Variants in KLF17 observed in about 807,000 individuals in gnomAD.
KLF17 encodes Krueppel-like factor 17.
Under a neutral mutation model 34.2 loss-of-function variants are expected in KLF17, and 31 were observed. That is an observed-to-expected ratio of 0.91 (90% CI 0.68 to 1.22). The LOEUF is 1.22. KLF17 is among the 50% of genes most tolerant of loss of function. The probability of loss-of-function intolerance (pLI) is 0.00; values close to 1 mark genes in which losing one functional copy is unlikely to be tolerated. For missense variants in KLF17, 478 were observed against 505.2 expected, an observed-to-expected ratio of 0.95 and a Z score of 0.52; for synonymous variants, 179 against 186.7, an observed-to-expected ratio of 0.96 and a Z score of 0.34.
the KLF17 span, among the ~76,000 whole-genome samples, chr1:44,050,289 T>C: frequency 6.6e-6 from 1 of 152,188 alleles, no homozygotes; most frequent in South Asian, 2.1e-4. Context: ...AGGCAGGACT[T>C]GGACTCCGGA....
intron 1 of KLF17, among the ~76,000 whole-genome samples, chr1:44,124,118 A>G (rs950754323): frequency 6.6e-5 from 10 of 152,234 alleles, no homozygotes; most frequent in African/African-American, 2.2e-4. Context: ...GGATCTAAAT[A>G]TATATACAGC....
upstream of KLF17, among the ~76,000 whole-genome samples, chr1:44,117,898 C>T (rs74421804): frequency 3.9e-3 from 591 of 152,264 alleles, 3 homozygotes; most frequent in African/African-American, 0.014. Flanking sequence ...CAGATCACAT[C>T]AAATTCCTGT....
the KLF17 span, among the ~76,000 whole-genome samples, chr1:44,082,768 C>T: frequency 6.6e-6 from 1 of 151,920 alleles, no homozygotes; most frequent in Non-Finnish European, 1.5e-5. Flanking sequence ...TCCTTATTAC[C>T]TTGGTAAGGC....
At chr1:44,125,316 T>C (rs899679216) in intron 1 of KLF17, among the ~76,000 whole-genome samples, 1 of 152,222 alleles carries the variant, frequency 6.6e-6, no homozygotes. Context: ...GGATGGTTAA[T>C]AGTTATTTTT....
At chr1:44,059,190 C>G in the KLF17 span, among the ~76,000 whole-genome samples, 3 of 152,178 alleles carry the variant, frequency 2.0e-5, no homozygotes, top group Non-Finnish European at 4.4e-5. Context: ...TTAAAAGAAT[C>G]AACACTCAGC....
the KLF17 span, among the ~76,000 whole-genome samples, chr1:44,085,807 C>CAA: frequency 0.09 from 5,749 of 63,712 alleles, 599 homozygotes; most frequent in South Asian, 0.14. Context: ...TCTGTCTCAA[C>CAA]AAAAAAAAAA....
At chr1:44,100,280 G>GGA in the KLF17 span, among the ~76,000 whole-genome samples, 1 of 147,496 alleles carries the variant, frequency 6.8e-6, no homozygotes, top group Non-Finnish European at 1.5e-5. Context: ...AAAAGAGAGA[G>GGA]AGAGAAAGAA....
chr1:44,078,639 T>G, the KLF17 span, among the ~76,000 whole-genome samples: 1 of 152,124 alleles, frequency 6.6e-6, no homozygotes, highest in Non-Finnish European at 1.5e-5. Flanking sequence ...GGTTTCACCG[T>G]GTTAGCCAGG....
At chr1:44,103,935 A>G in the KLF17 span, 14 of 850,986 alleles carry the variant, frequency 1.6e-5, no homozygotes, top group Middle Eastern at 5.3e-4. Context: ...GATCTGGTAC[A>G]TGCTCTCAGC....
chr1:44,087,724 TTATATATATATATATATA>T, the KLF17 span, among the ~76,000 whole-genome samples: 2,655 of 75,432 alleles, frequency 0.035, 49 homozygotes, highest in Admixed American at 0.06. Context: ...CCTATATATT[TTATATATATATATATATA>T]TATATATATA....
Position 44,130,609 on chromosome 1 carries a change from A to G in KLF17, c.1023A>G (p.Arg341=), listed in dbSNP as rs536036330. The change falls in exon 3 of 4, where the codon CGA becomes CGG. Residue 341 remains arginine, a synonymous_variant. Coordinates refer to ENST00000372299, the MANE Select transcript of KLF17 (RefSeq NM_173484.4). ...ATATGCGGGTACACACCAGATATCG[A>G]CCATATAAATGTGATCAGTGCAGCC... ...RRHMRVHTRY[R]PYKCDQCSRE... The G allele has an allele frequency of 1.2e-6, 2 of 1,614,100 alleles. No homozygotes were observed. Among genetic ancestry groups the G allele is most frequent in the East Asian group, 2.2e-5 (1 of 44,862 alleles).
chr1:44,099,893 GAAAGAAAGAAAGAA>G, the KLF17 span, among the ~76,000 whole-genome samples: 1 of 62,424 alleles, frequency 1.6e-5, no homozygotes, highest in African/African-American at 5.3e-5. Flanking sequence ...AAGAAAGAAA[GAAAGAAAGAAAGAA>G]AGAAAGAAAG....
chr1:44,132,202 A>G lies in KLF17; in HGVS notation c.*1-1036A>G, dbSNP rs1394724921. 3.9e-5 allele frequency among the ~76,000 whole-genome samples: 6 copies of G among 152,112 alleles called. No homozygotes were observed. The East Asian group carries it at 1.2e-3, about 30-fold the overall frequency. On this transcript the variant is annotated intron_variant, in intron 3 of 3. Coordinates refer to ENST00000372299, the MANE Select transcript of KLF17 (RefSeq NM_173484.4). Reference sequence around the variant, plus strand: ...GCGCCTGTAGTCCCAGTTATTCGAGAGGCTGAGGCAGGAGAATGGCTTGAA... The same window carrying G: ...GCGCCTGTAGTCCCAGTTATTCGAGGGGCTGAGGCAGGAGAATGGCTTGAA...
chr1:44,106,196 T>C, the KLF17 span, among the ~76,000 whole-genome samples: 1 of 152,080 alleles, frequency 6.6e-6, no homozygotes, highest in African/African-American at 2.4e-5. Flanking sequence ...TCTGAGCTCA[T>C]AGGTCCCAGG....
At chr1:44,065,891 G>A in the KLF17 span, among the ~76,000 whole-genome samples, 2 of 152,032 alleles carry the variant, frequency 1.3e-5, no homozygotes, top group South Asian at 4.1e-4. Context: ...AGAAAAATTA[G>A]CAAATTTCCT....
At chr1:44,099,841 G>GAAAGAAAGAAAGAAAGAAAA in the KLF17 span, among the ~76,000 whole-genome samples, 14 of 28,734 alleles carry the variant, frequency 4.9e-4, no homozygotes, top group African/African-American at 3.1e-3. Context: ...AAGAAAGAAA[G>GAAAGAAAGAAAGAAAGAAAA]AAAGAAAGAA....
At chr1:44,098,914 G>A in the KLF17 span, among the ~76,000 whole-genome samples, 1 of 138,146 alleles carries the variant, frequency 7.2e-6, no homozygotes, top group South Asian at 2.3e-4. Flanking sequence ...TTTTTTTTGA[G>A]ACAGGGTCTT....
intron 1 of KLF17, among the ~76,000 whole-genome samples, chr1:44,127,531 T>TTCCTTCCC (rs1420188760): frequency 6.9e-5 from 10 of 144,112 alleles, no homozygotes; most frequent in Admixed American, 6.7e-4. Flanking sequence ...CCCTCCCTCC[T>TTCCTTCCC]TCCCTCCTTC....
At chr1:44,073,294 C>T in the KLF17 span, among the ~76,000 whole-genome samples, 12 of 151,192 alleles carry the variant, frequency 7.9e-5, no homozygotes, top group Non-Finnish European at 1.3e-4. Context: ...GCAACCTCTG[C>T]TTCCTGGGTT....
Sources: allele counts gnomAD v4.1 joint callset (sites outside exome capture counted in the v4.1 genomes callset), GRCh38; gene constraint gnomAD v4.1.1; transcripts MANE v1.5; gene names NCBI Gene and HGNC (gene_info 2026-07-23, HGNC 2026-07-21).